IGF2R: variants seen among roughly 807,000 people sequenced by gnomAD.
IGF2R encodes the protein insulin like growth factor 2 receptor.
A neutral mutation model predicts 270.6 loss-of-function variants in IGF2R; 91 were observed. That is an observed-to-expected ratio of 0.34 (90% CI 0.28 to 0.40). The LOEUF (loss-of-function observed/expected upper bound fraction) is 0.40, where lower values mean the gene tolerates loss of function less well. Among genes scored for constraint, IGF2R ranks in the 10% least tolerant of loss-of-function variants. The pLI, the probability that IGF2R is intolerant of heterozygous loss-of-function variation, is 1.00. For missense variants in IGF2R, 2,805 were observed against 3,188.3 expected (o/e 0.88, Z 2.90); for synonymous variants, 1,316 against 1,258.9 (o/e 1.05, Z -0.96).
chr6:160,086,232 C>G (rs866528311), intron 41 of IGF2R, among the ~76,000 whole-genome samples: 1 of 152,200 alleles, frequency 6.6e-6, no homozygotes, highest in East Asian at 1.9e-4. Flanking sequence ...AGTCCAGCCT[C>G]GCCTGGCGGG....
At chr6:160,042,281 A>G (rs2115243700) in intron 11 of IGF2R, among the ~76,000 whole-genome samples, 2 of 152,250 alleles carry the variant, frequency 1.3e-5, no homozygotes, top group East Asian at 1.9e-4. Flanking sequence ...ACAGTCTTGT[A>G]TGGTTTCTTT....
intron 39 of IGF2R, among the ~76,000 whole-genome samples, 199 bp downstream of exon 39, chr6:160,080,474 C>T (rs777246128): frequency 1.4e-4 from 22 of 152,162 alleles, no homozygotes; most frequent in Admixed American, 7.2e-4. Flanking sequence ...ATCTACAGAC[C>T]GTGGTAGAGC....
At position 160,087,117 on chromosome 6, in the gene IGF2R, G is replaced by A. The variant is rs150590483; in HGVS notation, c.6206-916G>A. Among the ~76,000 whole-genome samples, 291 of 152,276 alleles carry A rather than the reference G, an allele frequency of 1.9e-3. 1 individual carries two copies. Among genetic ancestry groups the A allele is most frequent in the African/African-American group, 6.7e-3 (280 of 41,558 alleles). ...CTTTTCTCTCAGACCCTGCGGGTTC[G>A]AGGGCTCAGGTTTTTCTTTTAATGG... On this transcript the variant is annotated intron_variant, in intron 41 of 47. Coordinates refer to ENST00000356956, the MANE Select transcript of IGF2R (RefSeq NM_000876.4).
At chr6:159,973,452 G>T (rs988437509) in intron 1 of IGF2R, among the ~76,000 whole-genome samples, 6 of 152,160 alleles carry the variant, frequency 3.9e-5, no homozygotes, top group Admixed American at 3.9e-4. Flanking sequence ...AGGTATAAAT[G>T]CTAGAAAGTT....
rs149581981 is a variant in IGF2R at position 160,089,955 on chromosome 6, C to A, written c.6507C>A (p.Asp2169Glu). Residue 2169 changes from aspartate (D) to glutamate (E), a missense_variant, in exon 44 of 48, where the codon GAC (aspartate) becomes GAA (glutamate). Physicochemically the swap from Asp to Glu is conservative, Grantham distance 45. Around this residue, in one of 2 missense-constraint regions of IGF2R, gnomAD observed 1,851 missense variants for 2,207.2 expected, o/e 0.84. Transcript: ENST00000356956. Reference protein sequence around the residue: ...RASGDMRTNGDNYLYEIQLSS... With the variant: ...RASGDMRTNGENYLYEIQLSS... ...CTGGGGACATGAGGACCAATGGGGA[C>A]AACTACCTGTATGAGATCCAACTTT... 16 of 1,604,510 alleles carry A rather than the reference C, an allele frequency of 1.0e-5. No individual in the cohort carries two copies. The highest frequency in any genetic ancestry group is 1.4e-5 in the Non-Finnish European group (16 of 1,175,794).
At chr6:160,062,293 C>T (rs1216807363) in intron 25 of IGF2R, among the ~76,000 whole-genome samples, 4 of 151,330 alleles carry the variant, frequency 2.6e-5, no homozygotes, top group East Asian at 3.9e-4. Flanking sequence ...CCTGCCTCAG[C>T]CTCCCGAGTA....
At chr6:159,999,810 G>C (rs1784101996) in intron 2 of IGF2R, among the ~76,000 whole-genome samples, 1 of 152,028 alleles carries the variant, frequency 6.6e-6, no homozygotes, top group African/African-American at 2.4e-5. Context: ...GCTCAGTTAA[G>C]ATTTGAAAGT....
intron 38 of IGF2R, 135 bp downstream of exon 38, chr6:160,079,922 G>C: frequency 3.1e-6 from 3 of 978,002 alleles, no homozygotes; most frequent in Non-Finnish European, 4.5e-6. Flanking sequence ...AATGTGAGCT[G>C]TTCCTCTGTA....
At chr6:159,989,308 A>G (rs111708020) in intron 1 of IGF2R, among the ~76,000 whole-genome samples, 1,637 of 151,938 alleles carry the variant, frequency 0.011, 29 homozygotes, top group African/African-American at 0.038. Context: ...GTTGGGGAGG[A>G]GGGCACGTGG....
intron 47 of IGF2R, 100 bp downstream of exon 47, chr6:160,103,915 C>T: frequency 6.6e-6 from 5 of 757,644 alleles, no homozygotes; most frequent in South Asian, 1.6e-5. Flanking sequence ...AAAGCAGTCA[C>T]AGGCTGACTG....
At chr6:160,047,373 T>C in intron 16 of IGF2R, 37 bp downstream of exon 16, 2 of 1,502,430 alleles carry the variant, frequency 1.3e-6, no homozygotes, top group Non-Finnish European at 8.9e-7. Context: ...TCCCTGAGGA[T>C]ACTCATGCCT....
In IGF2R at chr6:159,969,281, G is replaced by A. The variant is rs966179119; in HGVS notation, c.35G>A (p.Gly12Glu). The A allele has an allele frequency of 3.4e-6, 4 of 1,175,394 alleles. No individual in the cohort carries two copies. The highest frequency in any genetic ancestry group is 4.4e-5 in the Admixed American group (1 of 22,498). The allele number at this position is 1,175,394 out of a possible 1,614,324, so 72.8% of individuals were successfully genotyped here. The change falls in exon 1 of 48, where the codon GGG becomes GAG. Residue 12 changes from glycine to glutamate, a missense_variant. Physicochemically the swap from Gly to Glu is moderately conservative, Grantham distance 98. Around this residue, in one of 2 missense-constraint regions of IGF2R, gnomAD observed 954 missense variants for 981.1 expected, o/e 0.97. Coordinates refer to ENST00000356956, the MANE Select transcript of IGF2R (RefSeq NM_000876.4). ...GCCGCCGGCCGGAGCCCCCACCTGG[G>A]GCCCGCGCCCGCCCGCCGCCCGCAG... ...GAAAGRSPHL[G>E]PAPARRPQRS...
At chr6:160,090,255 A>G (rs1583302110) in intron 44 of IGF2R, 152 bp downstream of exon 44, 1 of 530,778 alleles carries the variant, frequency 1.9e-6, no homozygotes, top group Non-Finnish European at 3.2e-6. Flanking sequence ...ATTTCTTGAC[A>G]GTGGATTGAG....
intron 19 of IGF2R, among the ~76,000 whole-genome samples, chr6:160,055,696 G>T (rs1003308584): frequency 6.6e-6 from 1 of 152,100 alleles, no homozygotes; most frequent in Non-Finnish European, 1.5e-5. Context: ...ACTTCCTTGT[G>T]CCTCAGTTTT....
chr6:160,024,434 C>A, intron 4 of IGF2R, 138 bp from the exon 5 acceptor site: 2 of 775,466 alleles, frequency 2.6e-6, no homozygotes, highest in South Asian at 1.8e-5. Context: ...TGACCTTTGC[C>A]TGAGTTCGTT....
rs577720483 is a variant in IGF2R, at chr6:160,072,048, T to TC, written c.4570+12_4570+13insC. ...CAACCCAAGCACAGGTGAGAGGTGG[T>TC]GCCAGTCGTTAACCCCAGCGCAGGT... On this transcript the variant is annotated intron_variant, in intron 32 of 47. Coordinates refer to ENST00000356956, the MANE Select transcript of IGF2R (RefSeq NM_000876.4). 6.1e-5 allele frequency: 98 copies of TC among 1,613,854 alleles called. No individual in the cohort carries two copies. Among genetic ancestry groups the TC allele is most frequent in the Non-Finnish European group, 8.0e-5 (94 of 1,179,994 alleles).
chr6:160,087,097 C>CT (rs1307958990), intron 41 of IGF2R, among the ~76,000 whole-genome samples: 21 of 152,202 alleles, frequency 1.4e-4, no homozygotes, highest in Admixed American at 1.0e-3. Flanking sequence ...ACTCACTTTT[C>CT]TCTCAGACCC....
Position 160,094,897 on chromosome 6 carries a change from C to CAAAAAAAAAA in IGF2R, c.6656-1532_6656-1523dup, listed in dbSNP as rs34351457. 2 of 80,998 alleles carry CAAAAAAAAAA rather than the reference C, an allele frequency of 2.5e-5. 1 individual carries two copies. Among genetic ancestry groups the CAAAAAAAAAA allele is most frequent in the African/African-American group, 9.6e-5 (2 of 20,772 alleles). The allele number at this position is 80,998 out of a possible 1,614,324, so 5.0% of individuals were successfully genotyped here. On this transcript the variant is annotated intron_variant, in intron 44 of 47. Coordinates refer to ENST00000356956, the MANE Select transcript of IGF2R (RefSeq NM_000876.4). The stretch of plus-strand genomic sequence containing the variant: ...TGGGCGACAGAGCGAGACTCCATCT[C>CAAAAAAAAAA]AAAAAAAAAAAAAAAAAAAGGCCCT...
chr6:160,047,828 A>G lies in IGF2R; in HGVS notation c.2266A>G (p.Thr756Ala), dbSNP rs1426849591. 1 of 1,614,112 alleles carries G rather than the reference A, an allele frequency of 6.2e-7. No homozygotes were observed. Among genetic ancestry groups the G allele is most frequent in the Non-Finnish European group, 8.5e-7 (1 of 1,179,940 alleles). The change falls in exon 17 of 48, where the codon ACC becomes GCC. Residue 756 changes from threonine (T) to alanine (A), a missense_variant. By Grantham distance (58) the Thr-to-Ala change is moderately conservative. Transcript: ENST00000356956. Reference sequence around the variant, plus strand: ...CTCCACCTACAACTTCCGGTGGTACACCAGCTATGCCTGCCCGGAGGAGCC... The same window carrying G: ...CTCCACCTACAACTTCCGGTGGTACGCCAGCTATGCCTGCCCGGAGGAGCC... ...DNSTYNFRWY[T>A]SYACPEEPLE...
Sources: gnomAD v4.1 joint callset for allele counts (sites outside exome capture counted in the v4.1 genomes callset) on GRCh38, gnomAD v4.1.1 for gene constraint, gnomAD v4.1.1 regional missense constraint, MANE v1.5 for transcripts, NCBI Gene and HGNC (gene_info 2026-07-23, HGNC 2026-07-21) for gene names.